The following DARS2 variants were observed in gnomAD, a reference collection of about 807,000 sequenced individuals.
DARS2 encodes the protein aspartyl-tRNA synthetase 2, mitochondrial.
A neutral mutation model predicts 83.0 loss-of-function variants in DARS2; 63 were observed. The ratio of observed to expected loss-of-function variants is 0.76; its 90% CI spans 0.62 to 0.94. The LOEUF (loss-of-function observed/expected upper bound fraction) is 0.94. Among genes scored for constraint, DARS2 ranks in the 40% least tolerant of loss-of-function variants. The pLI, the probability that DARS2 is intolerant of heterozygous loss-of-function variation, is 0.00. For missense variants in DARS2, 675 were observed against 774.4 expected (o/e 0.87, Z 1.52); for synonymous variants, 250 against 269.3 (o/e 0.93, Z 0.70).
chr1:173,831,215 C>CTTT (rs375672090), intron 4 of DARS2, among the ~76,000 whole-genome samples: 7 of 139,188 alleles, frequency 5.0e-5, no homozygotes, highest in Non-Finnish European at 7.8e-5. Flanking sequence ...GTGCCTGGCC[C>CTTT]TTTTTTTTTT....
intron 7 of DARS2, among the ~76,000 whole-genome samples, chr1:173,834,763 G>GTTTTT (rs1652932155): frequency 3.7e-4 from 9 of 24,294 alleles, no homozygotes; most frequent in African/African-American, 1.9e-3. Context: ...TTTTTGGTTT[G>GTTTTT]TTTTGGGTTT....
chr1:173,835,763 CA>C (rs1652980626), intron 7 of DARS2, among the ~76,000 whole-genome samples: 1 of 151,000 alleles, frequency 6.6e-6, no homozygotes, highest in South Asian at 2.1e-4. Flanking sequence ...ACTAAAAGTA[CA>C]AAAATTAGGC....
rs998449850 is a variant in DARS2, at chr1:173,852,136, T to C, written c.1345-1213T>C. On this transcript the variant is annotated intron_variant, in intron 13 of 16. Transcript: ENST00000649689. ...CATTAACATTCTGAAAATGTCACAATGAAGGTCCGTTATGTAGACGTAAAT... is the reference window on the plus strand; with the variant it reads ...CATTAACATTCTGAAAATGTCACAACGAAGGTCCGTTATGTAGACGTAAAT... 10 of 985,390 alleles carry C rather than the reference T, an allele frequency of 1.0e-5. No individual in the cohort carries two copies. The African/African-American group carries it at 1.4e-4, about 14-fold the overall frequency. The allele number at this position is 985,390 out of a possible 1,614,324, so 61.0% of individuals were successfully genotyped here.
chr1:173,850,387 A>G lies in DARS2; in HGVS notation c.1252A>G (p.Ile418Val). 1.2e-6 allele frequency: 2 copies of G among 1,613,834 alleles called. No homozygotes were observed. Among genetic ancestry groups the G allele is most frequent in the Non-Finnish European group, 1.7e-6 (2 of 1,179,908 alleles). Reference protein sequence around the residue: ...RNWNSPVANFIMESQRLELIR... With the variant: ...RNWNSPVANFVMESQRLELIR... ...CTGGAATTCTCCAGTTGCTAATTTC[A>G]TAATGGAGTCACAAAGACTGGAATT... The change falls in exon 13 of 17, where the codon ATA becomes GTA. Residue 418 changes from isoleucine to valine, a missense_variant. Coordinates refer to ENST00000649689, the MANE Select transcript of DARS2 (RefSeq NM_018122.5).
At chr1:173,837,407 G>A (rs888593837) in intron 8 of DARS2, among the ~76,000 whole-genome samples, 2 of 152,142 alleles carry the variant, frequency 1.3e-5, no homozygotes, top group African/African-American at 2.4e-5. Context: ...GGTGTTAAGA[G>A]CTTTAAAATT....
chr1:173,849,831 C>A (rs980650594), intron 12 of DARS2, among the ~76,000 whole-genome samples: 2 of 151,368 alleles, frequency 1.3e-5, no homozygotes, highest in African/African-American at 2.4e-5. Flanking sequence ...TCTTCATCCC[C>A]TCCCCCTTTT....
At chr1:173,834,709 T>C (rs1448352505) in intron 7 of DARS2, among the ~76,000 whole-genome samples, 190 bp downstream of exon 7, 1 of 146,160 alleles carries the variant, frequency 6.8e-6, no homozygotes, top group Non-Finnish European at 1.5e-5. Context: ...TCCACATAAA[T>C]TTTCTTTCCT....
Position 173,853,460 on chromosome 1 carries a change from C to T in DARS2, c.1456C>T (p.Leu486Phe), listed in dbSNP as rs923118148. The T allele has an allele frequency of 1.9e-6, 3 of 1,614,124 alleles. No individual in the cohort carries two copies. The highest frequency in any genetic ancestry group is 2.5e-6 in the Non-Finnish European group (3 of 1,180,014). ...FSFLWVVDFPLFLPKEENPRE... is the reference protein window; with the variant it reads ...FSFLWVVDFPFFLPKEENPRE... ...TTTCCTTTGGGTGGTAGATTTCCCA[C>T]TCTTCCTGCCCAAGGAGGAAAATCC... Residue 486 changes from leucine (L) to phenylalanine (F), a missense_variant, in exon 14 of 17, where the codon CTC (leucine) becomes TTC (phenylalanine). Coordinates refer to ENST00000649689, the MANE Select transcript of DARS2 (RefSeq NM_018122.5).
intron 7 of DARS2, among the ~76,000 whole-genome samples, chr1:173,834,832 G>A (rs1274913112): frequency 8.1e-6 from 1 of 123,140 alleles, no homozygotes; most frequent in Non-Finnish European, 1.6e-5. Flanking sequence ...AGGCTGGAGT[G>A]CAGTGGCATG....
At chr1:173,855,832 T>TG (rs1491409216) in intron 15 of DARS2, among the ~76,000 whole-genome samples, 5 of 148,634 alleles carry the variant, frequency 3.4e-5, no homozygotes, top group African/African-American at 1.3e-4. Flanking sequence ...TTTTTTTTTT[T>TG]GTATTTTTAG....
At chr1:173,849,718 C>G (rs943741891) in intron 12 of DARS2, among the ~76,000 whole-genome samples, 4 of 152,084 alleles carry the variant, frequency 2.6e-5, no homozygotes, top group Admixed American at 2.6e-4. Flanking sequence ...GTTCTTTATG[C>G]CAGACCTTCC....
chr1:173,831,421 T>G, intron 4 of DARS2, 114 bp from the exon 5 acceptor site: 2 of 845,898 alleles, frequency 2.4e-6, no homozygotes, highest in Admixed American at 3.4e-5. Flanking sequence ...TACTATACAC[T>G]ATAAGGACTT....
rs575445562 is a variant in DARS2 at position 173,841,022 on chromosome 1, T to G, written c.1128+49T>G. On this transcript the variant is annotated intron_variant, in intron 11 of 16. Transcript: ENST00000649689. ...TTCTCTAGAATGTATGCTTTGGAAG[T>G]AACTTTGTCCAATACTGTCATATTT... 6.2e-6 allele frequency: 7 copies of G among 1,137,540 alleles called. No individual in the cohort carries two copies. In the South Asian group the frequency reaches 7.4e-5, roughly 12 times the overall value. 70.5% of individuals were successfully genotyped at this position (1,137,540 alleles called of 1,614,324 possible).
chr1:173,854,985 T>G (rs1653807918), intron 15 of DARS2, among the ~76,000 whole-genome samples: 1 of 152,120 alleles, frequency 6.6e-6, no homozygotes, highest in African/African-American at 2.4e-5. Context: ...AAAGATCGTT[T>G]TGTGGGATTA....
chr1:173,835,157 C>T (rs1652957501), intron 7 of DARS2, among the ~76,000 whole-genome samples: 4 of 151,120 alleles, frequency 2.6e-5, no homozygotes, highest in Admixed American at 1.3e-4. Context: ...TAGACAGTCT[C>T]GTTCTGTCAC....
chr1:173,830,303 A>G (rs1652747026), intron 3 of DARS2, among the ~76,000 whole-genome samples: 1 of 152,062 alleles, frequency 6.6e-6, no homozygotes, highest in African/African-American at 2.4e-5. Flanking sequence ...AACTCCTTTG[A>G]CTCTGACCCA....
intron 2 of DARS2, 144 bp downstream of exon 2, chr1:173,826,930 G>A: frequency 1.4e-6 from 1 of 720,236 alleles, no homozygotes; most frequent in African/African-American, 1.8e-5. Flanking sequence ...TTTCAACTTT[G>A]TTTTAGTTTT....
intron 10 of DARS2, among the ~76,000 whole-genome samples, 164 bp from the exon 11 acceptor site, chr1:173,840,702 A>G (rs771317653): frequency 3.3e-5 from 5 of 152,204 alleles, no homozygotes; most frequent in Non-Finnish European, 7.3e-5. Flanking sequence ...GTATATGTAA[A>G]ACACTGGTCA....
chr1:173,842,284 CTTTTTTTTTTTTTTTTTTTT>C (rs1178547914), intron 11 of DARS2, among the ~76,000 whole-genome samples: 3 of 64,224 alleles, frequency 4.7e-5, no homozygotes, highest in East Asian at 8.7e-4. Flanking sequence ...TCATTACTTT[CTTTTTTTTTTTTTTTTTTTT>C]TTTTTTTTTT....
Sources: allele counts gnomAD v4.1 joint callset (sites outside exome capture counted in the v4.1 genomes callset), GRCh38; gene constraint gnomAD v4.1.1; transcripts MANE v1.5; gene names NCBI Gene and HGNC (gene_info 2026-07-23, HGNC 2026-07-21).